Variants in ITPRID1 observed in about 807,000 individuals in gnomAD.
ITPRID1 encodes the protein protein ITPRID1.
Under a neutral mutation model 95.4 loss-of-function variants are expected in ITPRID1, and 96 were observed. That is an observed-to-expected ratio of 1.01 (90% CI 0.85 to 1.19). The LOEUF (loss-of-function observed/expected upper bound fraction) is 1.19. Among genes scored for constraint, ITPRID1 ranks in the 50% most tolerant of loss-of-function variants. The pLI, the probability that ITPRID1 is intolerant of heterozygous loss-of-function variation, is 0.00. For synonymous variants in ITPRID1, 510 were observed against 453.6 expected (o/e 1.12, Z -1.58); for missense variants, 1,339 against 1,252.9 (o/e 1.07, Z -1.04).
chr7:31,597,819 A>C (rs1192821953), intron 10 of ITPRID1, among the ~76,000 whole-genome samples: 2 of 152,148 alleles, frequency 1.3e-5, no homozygotes, highest in African/African-American at 4.8e-5. Context: ...GGCCAAGGAA[A>C]GCTAAGACTA....
intron 10 of ITPRID1, among the ~76,000 whole-genome samples, chr7:31,610,146 GATTTCAACTCTT>G (rs1786801063): frequency 6.6e-6 from 1 of 151,468 alleles, no homozygotes; most frequent in South Asian, 2.1e-4. Flanking sequence ...TATTTTGTAT[GATTTCAACTCTT>G]TAAAATTATT....
Position 31,652,676 on chromosome 7 carries a change from C to A in ITPRID1, c.2982C>A (p.Pro994=), listed in dbSNP as rs1246962582. ...VFPPDDGQEA[P]CSGGTQLAAF... The stretch of plus-strand genomic sequence containing the variant: ...CTCCCGATGATGGCCAGGAGGCTCC[C>A]TGTTCAGGTGGGACCCAGTTGGCTG... Residue 994 remains proline (P), a synonymous_variant, in exon 15 of 15, where the codon CCC becomes CCA. Transcript: ENST00000615280. 1.2e-6 allele frequency: 2 copies of A among 1,613,834 alleles called. No individual in the cohort carries two copies. Among genetic ancestry groups the A allele is most frequent in the African/African-American group, 2.7e-5 (2 of 74,920 alleles).
intron 10 of ITPRID1, among the ~76,000 whole-genome samples, chr7:31,624,568 T>C (rs1299928008): frequency 7.1e-6 from 1 of 139,972 alleles, no homozygotes; most frequent in Non-Finnish European, 1.5e-5. Flanking sequence ...TGGCTAGCCA[T>C]ATGTAGAAAG....
chr7:31,518,450 G>C (rs1346766850), intron 1 of ITPRID1: 1 of 152,334 alleles, frequency 6.6e-6, no homozygotes, highest in Non-Finnish European at 1.5e-5. Flanking sequence ...TGTTTCAAGT[G>C]ATCAGGGTCC....
chr7:31,647,701 G>A lies in ITPRID1; in HGVS notation c.2584-3441G>A, dbSNP rs13307083. On this transcript the variant is annotated intron_variant, in intron 12 of 14. Coordinates refer to ENST00000615280, the MANE Select transcript of ITPRID1 (RefSeq NM_001257967.3). Reference sequence around the variant, plus strand: ...AAAAAAAAAAAAAAAAAAAAGAAGAGGAAGAAGAAGACGATGACGACAACG... The same window carrying A: ...AAAAAAAAAAAAAAAAAAAAGAAGAAGAAGAAGAAGACGATGACGACAACG... Among the ~76,000 whole-genome samples, 235 of 140,124 alleles carry A rather than the reference G, an allele frequency of 1.7e-3. 2 individuals are homozygous for A. Among genetic ancestry groups the A allele is most frequent in the African/African-American group, 5.9e-3 (222 of 37,640 alleles). 91.9% of individuals were successfully genotyped at this position (140,124 alleles called of 152,430 possible). A position where few individuals can be genotyped will look rare whatever the true frequency, so the allele number is the denominator to read the frequency against.
intron 1 of ITPRID1, among the ~76,000 whole-genome samples, chr7:31,539,556 T>A (rs1374282402): frequency 6.6e-6 from 1 of 152,192 alleles, no homozygotes; most frequent in African/African-American, 2.4e-5. Flanking sequence ...GTGTGCTTAG[T>A]TTCATAAGAA....
intron 6 of ITPRID1, among the ~76,000 whole-genome samples, chr7:31,570,763 G>C (rs1161322447): frequency 6.6e-6 from 1 of 152,058 alleles, no homozygotes; most frequent in Non-Finnish European, 1.5e-5. Context: ...GTTCTCCTTG[G>C]ATCCAAGGGC....
At chr7:31,546,702 A>G (rs940825880) in intron 1 of ITPRID1, among the ~76,000 whole-genome samples, 22 of 152,196 alleles carry the variant, frequency 1.4e-4, no homozygotes, top group African/African-American at 5.3e-4. Flanking sequence ...CCATGCAATT[A>G]TGATATAAAC....
intron 10 of ITPRID1, among the ~76,000 whole-genome samples, chr7:31,599,629 C>CTT (rs547405888): frequency 2.4e-5 from 2 of 81,948 alleles, no homozygotes; most frequent in African/African-American, 1.0e-4. Context: ...TTCTTTCTTT[C>CTT]TTTCTTTCTT....
chr7:31,633,575 C>T (rs374872114), intron 10 of ITPRID1, among the ~76,000 whole-genome samples: 2 of 152,342 alleles, frequency 1.3e-5, no homozygotes, highest in African/African-American at 4.8e-5. Flanking sequence ...GAACAATTCA[C>T]ACTACCGCCC....
intron 10 of ITPRID1, among the ~76,000 whole-genome samples, chr7:31,638,248 C>T (rs1789675545): frequency 6.6e-6 from 1 of 152,150 alleles, no homozygotes; most frequent in South Asian, 2.1e-4. Flanking sequence ...ATGGATTGAA[C>T]TAATTATAAC....
intron 1 of ITPRID1, among the ~76,000 whole-genome samples, chr7:31,541,210 T>G (rs948737598): frequency 4.6e-5 from 7 of 152,182 alleles, no homozygotes; most frequent in African/African-American, 1.7e-4. Context: ...TAGTAATATT[T>G]TAAGCAAAAT....
In ITPRID1 at chr7:31,595,345, T is replaced by TACACACACACACAC. The variant is rs58632355; in HGVS notation, c.1228+12169_1228+12182dup. On this transcript the variant is annotated intron_variant, in intron 10 of 14. Transcript: ENST00000615280. Reference sequence around the variant, plus strand: ...CAGGTGTGAGCCACCATGCCCGGCCTACACACACACACACACACACACACA... The same window carrying TACACACACACACAC: ...CAGGTGTGAGCCACCATGCCCGGCCTACACACACACACACACACACACACACACACACACACACA... Among the ~76,000 whole-genome samples the TACACACACACACAC allele has an allele frequency of 1.5e-3, 220 of 147,142 alleles. 4 individuals are homozygous for TACACACACACACAC. The highest frequency in any genetic ancestry group is 3.8e-3 in the African/African-American group (151 of 39,620).
At chr7:31,615,396 A>T (rs1787109131) in intron 10 of ITPRID1, among the ~76,000 whole-genome samples, 2 of 152,130 alleles carry the variant, frequency 1.3e-5, no homozygotes, top group African/African-American at 4.8e-5. Flanking sequence ...GGCAGTTGTA[A>T]GGATTATAGA....
intron 12 of ITPRID1, among the ~76,000 whole-genome samples, chr7:31,646,470 A>T (rs1327470332): frequency 6.6e-6 from 1 of 152,072 alleles, no homozygotes; most frequent in Non-Finnish European, 1.5e-5. Flanking sequence ...CTGGGGGAAA[A>T]GGCACAGGAA....
chr7:31,564,461 A>G (rs1295487938), intron 5 of ITPRID1, among the ~76,000 whole-genome samples: 1 of 152,148 alleles, frequency 6.6e-6, no homozygotes, highest in Non-Finnish European at 1.5e-5. Flanking sequence ...ATCTGGTTTA[A>G]AAAAACCTAA....
At chr7:31,515,636 T>C (rs377235675) in intron 1 of ITPRID1, among the ~76,000 whole-genome samples, 1 of 152,210 alleles carries the variant, frequency 6.6e-6, no homozygotes, top group South Asian at 2.1e-4. Flanking sequence ...CATACCATGA[T>C]GTCCAGTACG....
chr7:31,572,718 G>T lies in ITPRID1; in HGVS notation c.395+530G>T, dbSNP rs146998171. 1.3e-3 allele frequency among the ~76,000 whole-genome samples: 195 copies of T among 152,154 alleles called. 2 individuals are homozygous for T. Among genetic ancestry groups the T allele is most frequent in the Non-Finnish European group, 7.4e-5 (5 of 67,984 alleles). ...TATTAAAAATTTTTTAACAAAGTCA[G>T]TATATCTAATTTCTTCCACCATTAA... On this transcript the variant is annotated intron_variant, in intron 7 of 14. Transcript: ENST00000615280.
At chr7:31,606,395 A>C (rs1786623500) in intron 10 of ITPRID1, among the ~76,000 whole-genome samples, 1 of 152,194 alleles carries the variant, frequency 6.6e-6, no homozygotes, top group African/African-American at 2.4e-5. Flanking sequence ...TCTATGATAA[A>C]AAGTCAACAA....
Sources: gnomAD v4.1 joint callset for allele counts (sites outside exome capture counted in the v4.1 genomes callset) on GRCh38, gnomAD v4.1.1 for gene constraint, MANE v1.5 for transcripts, NCBI Gene and HGNC (gene_info 2026-07-23, HGNC 2026-07-21) for gene names.